LATS1: variants seen among roughly 807,000 people sequenced by gnomAD.
LATS1 encodes large tumor suppressor kinase 1.
Under a neutral mutation model 106.6 loss-of-function variants are expected in LATS1, and 25 were observed. The ratio of observed to expected loss-of-function variants is 0.23; its 90% CI spans 0.17 to 0.33. The LOEUF is 0.33. Among genes scored for constraint, LATS1 ranks in the 10% least tolerant of loss-of-function variants. LATS1 has a pLI of 1.00. For synonymous variants in LATS1, 465 were observed against 455.6 expected (o/e 1.02, Z -0.26); for missense variants, 1,040 against 1,382.6 (o/e 0.75, Z 3.93).
intron 3 of LATS1, among the ~76,000 whole-genome samples, chr6:149,692,738 G>A (rs911162749): frequency 4.0e-5 from 6 of 150,808 alleles, no homozygotes; most frequent in Admixed American, 6.6e-5. Flanking sequence ...GCAATGGTGC[G>A]ATCTCAGCTT....
intron 1 of LATS1, among the ~76,000 whole-genome samples, chr6:149,717,068 T>C (rs1346658635): frequency 6.6e-6 from 1 of 152,210 alleles, no homozygotes; most frequent in Non-Finnish European, 1.5e-5. Context: ...CAATATTACT[T>C]CTGTGCATGA....
intron 2 of LATS1, among the ~76,000 whole-genome samples, chr6:149,700,079 T>C (rs149207407): frequency 3.3e-5 from 5 of 152,296 alleles, no homozygotes; most frequent in African/African-American, 1.2e-4. Flanking sequence ...TCCTCCTCTC[T>C]CTATTTCCTG....
At chr6:149,675,972 G>A (rs1015421297) in intron 7 of LATS1, 7 of 311,294 alleles carry the variant, frequency 2.2e-5, no homozygotes, top group African/African-American at 1.5e-4. Flanking sequence ...TGCAATTCTG[G>A]TGAGTTCCTA....
At chr6:149,708,738 G>A (rs902591760) in intron 1 of LATS1, among the ~76,000 whole-genome samples, 9 of 152,270 alleles carry the variant, frequency 5.9e-5, no homozygotes, top group Middle Eastern at 3.4e-3. Flanking sequence ...TAAGCCACTG[G>A]ATGGAGAACC....
intron 1 of LATS1, among the ~76,000 whole-genome samples, chr6:149,703,523 AAGCAC>A (rs1783582675): frequency 6.6e-6 from 1 of 152,126 alleles, no homozygotes; most frequent in African/African-American, 2.4e-5. Flanking sequence ...AGTACTAGAA[AAGCAC>A]AGCACTTGTA....
At chr6:149,676,170 CCA>C (rs1781711986) in intron 7 of LATS1, 88 bp downstream of exon 7, 3 of 892,952 alleles carry the variant, frequency 3.4e-6, no homozygotes, top group Non-Finnish European at 5.5e-6. Flanking sequence ...TTCTTTAACT[CCA>C]GACTAAAATG....
At chr6:149,670,830 AC>A (rs2114730036) in intron 7 of LATS1, among the ~76,000 whole-genome samples, 1 of 151,534 alleles carries the variant, frequency 6.6e-6, no homozygotes, top group East Asian at 1.9e-4. Context: ...GTTTTAAAAA[AC>A]CTTTCTTAGC....
intron 7 of LATS1, among the ~76,000 whole-genome samples, chr6:149,667,046 T>C (rs1781190379): frequency 6.6e-6 from 1 of 152,106 alleles, no homozygotes; most frequent in Non-Finnish European, 1.5e-5. Context: ...AAAGAAATTT[T>C]ATAATGGAAA....
chr6:149,699,231 G>A (rs1483890163), intron 2 of LATS1, among the ~76,000 whole-genome samples: 2 of 152,156 alleles, frequency 1.3e-5, no homozygotes, highest in East Asian at 1.9e-4. Context: ...ACCAGAATGA[G>A]TGATTCAAGG....
rs1164365805 is a variant in LATS1, at chr6:149,678,094, G to A, written c.2594-1357C>T. On this transcript the variant is annotated intron_variant, in intron 5 of 7. Coordinates refer to ENST00000543571, the MANE Select transcript of LATS1 (RefSeq NM_004690.4). ...CAGCCACTTTGGGAGGCAGAGGCAG[G>A]CAAATCATGAGGTCAGAAGATTGAG... is the stretch of plus-strand genomic sequence containing the variant. Among the ~76,000 whole-genome samples the A allele has an allele frequency of 2.3e-5, 3 of 131,888 alleles. No individual in the cohort carries two copies. In the East Asian group the frequency reaches 7.8e-4, roughly 34 times the overall value. The allele number at this position is 131,888 out of a possible 152,430, so 86.5% of individuals were successfully genotyped here.
At chr6:149,696,559 TAA>T (rs372769091) in intron 2 of LATS1, among the ~76,000 whole-genome samples, 19 of 45,816 alleles carry the variant, frequency 4.1e-4, no homozygotes, top group African/African-American at 1.6e-3. Flanking sequence ...AACTCCGTCT[TAA>T]AAAAAAAAAA....
chr6:149,683,542 T>C lies in LATS1; in HGVS notation c.1547A>G (p.His516Arg). 1 of 1,614,004 alleles carries C rather than the reference T, an allele frequency of 6.2e-7. No homozygotes were observed. Among genetic ancestry groups the C allele is most frequent in the Non-Finnish European group, 8.5e-7 (1 of 1,179,996 alleles). The change falls in exon 4 of 8, where the codon CAC becomes CGC. Residue 516 changes from histidine to arginine, a missense_variant. Around this residue, in one of 7 missense-constraint regions of LATS1, gnomAD observed 624 missense variants for 714.8 expected, o/e 0.87. Transcript: ENST00000543571. Reference sequence around the variant, plus strand: ...AATTGGCTGTGGTATCCAAGAAGGGTGTGTAGGTGCTAAAGCAGTCTGTAG... The same window carrying C: ...AATTGGCTGTGGTATCCAAGAAGGGCGTGTAGGTGCTAAAGCAGTCTGTAG... The part of the protein sequence containing the change: ...PELQTALAPT[H>R]PSWIPQPIQT...
intron 4 of LATS1, among the ~76,000 whole-genome samples, chr6:149,680,743 G>GAAAA (rs5880846): frequency 2.7e-5 from 3 of 110,320 alleles, no homozygotes; most frequent in African/African-American, 9.7e-5. Flanking sequence ...AATGCACTCC[G>GAAAA]AAAAAAAAAA....
At chr6:149,700,238 G>A (rs1056804088) in intron 2 of LATS1, among the ~76,000 whole-genome samples, 4 of 152,142 alleles carry the variant, frequency 2.6e-5, no homozygotes, top group African/African-American at 7.2e-5. Context: ...CACTTTGGGA[G>A]GCCAAGGTGG....
chr6:149,707,011 C>G (rs868839464), intron 1 of LATS1, among the ~76,000 whole-genome samples: 1 of 110,444 alleles, frequency 9.1e-6, no homozygotes, highest in African/African-American at 3.6e-5. Flanking sequence ...CTGGACATCT[C>G]TTTTTTTTTT....
intron 3 of LATS1, among the ~76,000 whole-genome samples, chr6:149,685,016 A>G (rs1172054645): frequency 6.6e-6 from 1 of 152,002 alleles, no homozygotes; most frequent in East Asian, 1.9e-4. Context: ...TAGGCAGATC[A>G]CTTGAGGCCA....
At chr6:149,685,198 A>G (rs1582880429) in intron 3 of LATS1, among the ~76,000 whole-genome samples, 2 of 152,168 alleles carry the variant, frequency 1.3e-5, no homozygotes, top group East Asian at 3.9e-4. Context: ...AGATCGTGCC[A>G]CTGCACTCCA....
chr6:149,696,633 G>GCCA (rs1783095525), intron 2 of LATS1, among the ~76,000 whole-genome samples: 1 of 146,986 alleles, frequency 6.8e-6, no homozygotes, highest in Admixed American at 6.9e-5. Flanking sequence ...TAAGCACATT[G>GCCA]CCATTGTGCA....
At chr6:149,694,760 A>G (rs1286182379) in intron 3 of LATS1, among the ~76,000 whole-genome samples, 5 of 152,200 alleles carry the variant, frequency 3.3e-5, no homozygotes, top group Admixed American at 3.3e-4. Context: ...TATGAAAAAA[A>G]TATATAAAAA....
Sources: gnomAD v4.1 joint callset for allele counts (sites outside exome capture counted in the v4.1 genomes callset) on GRCh38, gnomAD v4.1.1 for gene constraint, gnomAD v4.1.1 regional missense constraint, MANE v1.5 for transcripts, NCBI Gene and HGNC (gene_info 2026-07-23, HGNC 2026-07-21) for gene names.